KCNQ2: variants seen among roughly 807,000 people sequenced by gnomAD.
KCNQ2 encodes potassium voltage-gated channel subfamily Q member 2, also known as potassium voltage-gated channel subfamily KQT member 2.
KCNQ2 carries 14 observed loss-of-function variants against 84.8 expected under a neutral mutation model. That is an observed-to-expected ratio of 0.17 (90% CI 0.11 to 0.26). KCNQ2 has a LOEUF of 0.26. KCNQ2 is among the 10% of genes least tolerant of loss of function. The pLI, the probability that KCNQ2 is intolerant of heterozygous loss-of-function variation, is 1.00. For missense variants in KCNQ2, 788 were observed against 1,254.0 expected (o/e 0.63, Z 5.61); for synonymous variants, 599 against 554.1 (o/e 1.08, Z -1.14).
chr20:63,411,090 C>T (rs2080107538), intron 15 of KCNQ2: 1 of 438,330 alleles, frequency 2.3e-6, no homozygotes, highest in Non-Finnish European at 4.5e-6. Context: ...CGCCAGCTCC[C>T]TTATCAAAAA....
At chr20:63,451,137 C>CAAA (rs58922723) in intron 1 of KCNQ2, among the ~76,000 whole-genome samples, 1 of 110,042 alleles carries the variant, frequency 9.1e-6, no homozygotes, top group Non-Finnish European at 2.0e-5. Flanking sequence ...GACTCTGTCC[C>CAAA]AAAAAAAAAA....
At chr20:63,447,104 C>T (rs527595631) in intron 1 of KCNQ2, among the ~76,000 whole-genome samples, 2 of 152,110 alleles carry the variant, frequency 1.3e-5, no homozygotes, top group South Asian at 4.2e-4. Context: ...GGACGCACCC[C>T]CCTCTCCACT....
chr20:63,408,319 G>T lies in KCNQ2; in HGVS notation c.1887+94C>A. 1 of 1,509,158 alleles carries T rather than the reference G, an allele frequency of 6.6e-7. No individual in the cohort carries two copies. Among genetic ancestry groups the T allele is most frequent in the Non-Finnish European group, 9.0e-7 (1 of 1,106,922 alleles). 93.5% of individuals were successfully genotyped at this position (1,509,158 alleles called of 1,614,324 possible). A position where few individuals can be genotyped will look rare whatever the true frequency, so the allele number is the denominator to read the frequency against. On this transcript the variant is annotated intron_variant, in intron 16 of 16. Coordinates refer to ENST00000359125, the MANE Select transcript of KCNQ2 (RefSeq NM_172107.4). The surrounding 1 kb of genome is among the most constrained non-coding windows in gnomAD (Gnocchi z 5.0). The stretch of plus-strand genomic sequence containing the variant: ...AAACCCTAGACTTGAGGAGCCCTCC[G>T]TGGCACCCAGCCCCTGAAGCCCACA...
At chr20:63,458,610 G>A (rs766046416) in intron 1 of KCNQ2, among the ~76,000 whole-genome samples, 3 of 152,166 alleles carry the variant, frequency 2.0e-5, no homozygotes, top group African/African-American at 4.8e-5. Context: ...GAGCCTGACC[G>A]AGCACTGTCC....
chr20:63,464,655 GCCATGGCCCTGCGCCCCACACT>G (rs1205345379), intron 1 of KCNQ2, among the ~76,000 whole-genome samples: 2 of 152,192 alleles, frequency 1.3e-5, no homozygotes, highest in East Asian at 3.9e-4. Flanking sequence ...CTGGAACAGG[GCCATGGCCCTGCGCCCCACACT>G]CCAGCTCCAC....
intron 1 of KCNQ2, among the ~76,000 whole-genome samples, chr20:63,468,574 G>A (rs956946663): frequency 9.2e-5 from 14 of 152,324 alleles, no homozygotes; most frequent in African/African-American, 3.1e-4. Context: ...CCTGGGCCCC[G>A]GCACCGGGGG....
intron 1 of KCNQ2, among the ~76,000 whole-genome samples, chr20:63,453,431 A>C (rs1005953614): frequency 1.3e-5 from 2 of 152,262 alleles, no homozygotes; most frequent in Non-Finnish European, 2.9e-5. Context: ...CAAGTTCTTC[A>C]ATTAACTGAG....
intron 4 of KCNQ2, among the ~76,000 whole-genome samples, chr20:63,443,197 CCACCA>C (rs2081286537): frequency 8.2e-6 from 1 of 122,074 alleles, no homozygotes; most frequent in Non-Finnish European, 1.7e-5. Context: ...ACCACCACCA[CCACCA>C]TCACCACCAC....
Position 63,472,541 on chromosome 20 carries a change from C to G in KCNQ2, c.-78G>C. The stretch of plus-strand genomic sequence containing the variant: ...CGCGGGGGGCGGCGCGGGCCCCAGC[C>G]CAGGCCCCCCGGCCGGGAGCCGCAT... On this transcript the variant is annotated 5_prime_UTR_variant, in exon 1 of 17. Transcript: ENST00000359125. 1 of 1,207,068 alleles carries G rather than the reference C, an allele frequency of 8.3e-7. No homozygotes were observed. The highest frequency in any genetic ancestry group is 3.3e-5 in the East Asian group (1 of 29,960). The allele number at this position is 1,207,068 out of a possible 1,614,324, so 74.8% of individuals were successfully genotyped here. A position where few individuals can be genotyped will look rare whatever the true frequency, so the allele number is the denominator to read the frequency against.
chr20:63,417,937 C>A (rs1029159320), intron 12 of KCNQ2, among the ~76,000 whole-genome samples: 1 of 152,068 alleles, frequency 6.6e-6, no homozygotes, highest in Non-Finnish European at 1.5e-5. Flanking sequence ...GCCCTGGCCT[C>A]GGCGCGGCCC....
At position 63,472,632 on chromosome 20, in the gene KCNQ2, C is replaced by A. The variant is rs886056924; in HGVS notation, c.-169G>T. The A allele has an allele frequency of 1.5e-4, 44 of 300,660 alleles. No individual in the cohort carries two copies. The highest frequency in any genetic ancestry group is 1.4e-4 in the African/African-American group (6 of 42,196). 18.6% of individuals were successfully genotyped at this position (300,660 alleles called of 1,614,324 possible). On this transcript the variant is annotated 5_prime_UTR_variant, in exon 1 of 17. Transcript: ENST00000359125. Reference sequence around the variant, plus strand: ...GCGCGCGGAGACGCTGCGGCCACCTCGCTCCGCGCGCACCTCGGCGCCTGG... The same window carrying A: ...GCGCGCGGAGACGCTGCGGCCACCTAGCTCCGCGCGCACCTCGGCGCCTGG...
rs1324326082 is a variant in KCNQ2, at chr20:63,400,640, G to A, written c.*6004C>T. On this transcript the variant is annotated 3_prime_UTR_variant, in exon 17 of 17. Coordinates refer to ENST00000359125, the MANE Select transcript of KCNQ2 (RefSeq NM_172107.4). The surrounding 1 kb of genome is among the most constrained non-coding windows in gnomAD (Gnocchi z 8.7). ...AGTGCAGACAGCCAGAGGCAACGGCGCAAATGGGGAAGCTGCAGCCACCGT... is the reference window on the plus strand; with the variant it reads ...AGTGCAGACAGCCAGAGGCAACGGCACAAATGGGGAAGCTGCAGCCACCGT... 2 of 398,566 alleles carry A rather than the reference G, an allele frequency of 5.0e-6. No homozygotes were observed. Among genetic ancestry groups the A allele is most frequent in the East Asian group, 7.1e-5 (2 of 28,090 alleles). The allele number at this position is 398,566 out of a possible 1,614,324, so 24.7% of individuals were successfully genotyped here. A position where few individuals can be genotyped will look rare whatever the true frequency, so the allele number is the denominator to read the frequency against.
At chr20:63,443,427 T>C (rs201500132) in intron 4 of KCNQ2, among the ~76,000 whole-genome samples, 613 of 9,880 alleles carry the variant, frequency 0.062, no homozygotes, top group East Asian at 0.14. Context: ...ACCACCATCA[T>C]CACCATCACC....
At chr20:63,464,982 G>T (rs996679591) in intron 1 of KCNQ2, among the ~76,000 whole-genome samples, 14 of 152,234 alleles carry the variant, frequency 9.2e-5, no homozygotes, top group African/African-American at 2.9e-4. Flanking sequence ...AGCCACACAA[G>T]CTCACCAAGG....
intron 1 of KCNQ2, among the ~76,000 whole-genome samples, chr20:63,465,464 G>A (rs1184736724): frequency 1.3e-5 from 2 of 152,120 alleles, no homozygotes; most frequent in Admixed American, 6.5e-5. Flanking sequence ...TCCATCACCC[G>A]CTGCTGAGGC....
chr20:63,454,273 C>T (rs1340084492), intron 1 of KCNQ2, among the ~76,000 whole-genome samples: 3 of 152,184 alleles, frequency 2.0e-5, no homozygotes, highest in Non-Finnish European at 2.9e-5. Flanking sequence ...CTGCCCCTCC[C>T]GCCGCTGCCC....
At chr20:63,413,238 C>T (rs1165573543) in intron 15 of KCNQ2, 1 of 601,644 alleles carries the variant, frequency 1.7e-6, no homozygotes, top group East Asian at 2.9e-5. Flanking sequence ...CACTTGCCCA[C>T]CGCGGTGTGG....
chr20:63,466,209 G>A (rs1050594220), intron 1 of KCNQ2, among the ~76,000 whole-genome samples: 1 of 152,102 alleles, frequency 6.6e-6, no homozygotes, highest in Non-Finnish European at 1.5e-5. Flanking sequence ...CGGCATCTCC[G>A]CGGCCGGTCC....
At chr20:63,433,377 C>T in intron 8 of KCNQ2, 1 of 282,744 alleles carries the variant, frequency 3.5e-6, no homozygotes, top group Non-Finnish European at 6.6e-6. Context: ...CTGCCCCCCA[C>T]GCCGGAGCCC....
Sources: allele counts gnomAD v4.1 joint callset (sites outside exome capture counted in the v4.1 genomes callset), GRCh38; gene constraint gnomAD v4.1.1; non-coding constraint Gnocchi (gnomAD v3.1); transcripts MANE v1.5; gene names NCBI Gene and HGNC (gene_info 2026-07-23, HGNC 2026-07-21).